The following PPP2CA variants were observed in gnomAD, a reference collection of about 807,000 sequenced individuals.
PPP2CA encodes the protein protein phosphatase 2 catalytic subunit alpha.
In PPP2CA, 5 loss-of-function variants were observed where a neutral mutation model predicts 38.8. The ratio of observed to expected loss-of-function variants is 0.13; its 90% CI spans 0.07 to 0.27. The LOEUF (loss-of-function observed/expected upper bound fraction) is 0.27. Ranked by LOEUF, PPP2CA falls within the 10% of genes least tolerant of loss-of-function variation. The pLI, the probability that PPP2CA is intolerant of heterozygous loss-of-function variation, is 1.00. For missense variants in PPP2CA, 88 were observed against 389.7 expected, an observed-to-expected ratio of 0.23 and a Z score of 6.52; for synonymous variants, 152 against 134.0, an observed-to-expected ratio of 1.13 and a Z score of -0.93.
intron 1 of PPP2CA, among the ~76,000 whole-genome samples, chr5:134,222,541 G>T (rs1762467819): frequency 6.8e-6 from 1 of 147,348 alleles, no homozygotes; most frequent in Non-Finnish European, 1.5e-5. Flanking sequence ...GAACTTCTTT[G>T]AAAAAAAAAA....
intron 2 of PPP2CA, 41 bp from the exon 3 acceptor site, chr5:134,202,062 C>CA (rs1580637815): frequency 6.6e-7 from 1 of 1,521,348 alleles, no homozygotes; most frequent in Non-Finnish European, 8.8e-7. Context: ...CTAGCTCTTT[C>CA]AAAAACCAAT....
chr5:134,218,669 C>T (rs140596243), intron 1 of PPP2CA, among the ~76,000 whole-genome samples: 2 of 144,494 alleles, frequency 1.4e-5, no homozygotes, highest in Non-Finnish European at 1.5e-5. Flanking sequence ...TTGTTTCTTT[C>T]TTTTTTTTTT....
At chr5:134,199,617 C>T (rs896824154) in intron 5 of PPP2CA, among the ~76,000 whole-genome samples, 2 of 152,102 alleles carry the variant, frequency 1.3e-5, no homozygotes, top group Non-Finnish European at 2.9e-5. Context: ...ATACTTAATC[C>T]TGGAGACCAG....
Position 134,216,557 on chromosome 5 carries a change from A to AAG in PPP2CA, c.102+9202_102+9203insCT, listed in dbSNP as rs57520870. On this transcript the variant is annotated intron_variant, in intron 1 of 6. Transcript: ENST00000481195. ...TGCCTCAAAAAAAAAAAAAAAAAAA[A>AAG]GTGGTTTCCTTCAAAAGAAGGTAGT... Among the ~76,000 whole-genome samples the AAG allele has an allele frequency of 8.1e-5, 9 of 111,132 alleles. 1 individual carries two copies. In the East Asian group the frequency reaches 1.2e-3, roughly 15 times the overall value. The allele number at this position is 111,132 out of a possible 152,430, so 72.9% of individuals were successfully genotyped here. A position where few individuals can be genotyped will look rare whatever the true frequency, so the allele number is the denominator to read the frequency against.
Position 134,225,817 on chromosome 5 carries a change from C to G in PPP2CA, c.45G>C (p.Glu15Asp). 1 of 1,610,968 alleles carries G rather than the reference C, an allele frequency of 6.2e-7. No individual in the cohort carries two copies. Among genetic ancestry groups the G allele is most frequent in the Non-Finnish European group, 8.5e-7 (1 of 1,179,228 alleles). The change falls in exon 1 of 7, where the codon GAG (glutamate) becomes GAC (aspartate). Residue 15 changes from glutamate to aspartate, a missense_variant. Coordinates refer to ENST00000481195, the MANE Select transcript of PPP2CA (RefSeq NM_002715.4). ...ACAGCTGCTTGCACTCGTTCAGCTG[C>G]TCGATCCACTGGTCCAGCTCCTTGG... is the stretch of plus-strand genomic sequence containing the variant. ...VFTKELDQWI[E>D]QLNECKQLSE...
chr5:134,220,118 G>C (rs1430774080), intron 1 of PPP2CA, among the ~76,000 whole-genome samples: 2 of 150,972 alleles, frequency 1.3e-5, no homozygotes, highest in Non-Finnish European at 2.9e-5. Context: ...CCCTTCTTCA[G>C]CCTGGTCTAC....
chr5:134,218,966 G>A (rs915095432), intron 1 of PPP2CA, among the ~76,000 whole-genome samples: 2 of 152,240 alleles, frequency 1.3e-5, no homozygotes, highest in African/African-American at 2.4e-5. Flanking sequence ...ACTGTGCCCC[G>A]CCAGCCTAGA....
At chr5:134,200,570 A>G (rs1258620197) in intron 4 of PPP2CA, 74 bp from the exon 5 acceptor site, 2 of 1,520,042 alleles carry the variant, frequency 1.3e-6, no homozygotes, top group Non-Finnish European at 1.8e-6. Context: ...ATTCATCAGA[A>G]GCAGCACCCT....
intron 1 of PPP2CA, among the ~76,000 whole-genome samples, chr5:134,206,991 A>C (rs893963892): frequency 1.3e-5 from 2 of 152,252 alleles, no homozygotes; most frequent in Non-Finnish European, 2.9e-5. Context: ...GGGAGAGACC[A>C]CTTTACATAA....
At chr5:134,214,204 CTTA>C (rs759125905) in intron 1 of PPP2CA, among the ~76,000 whole-genome samples, 53 of 152,170 alleles carry the variant, frequency 3.5e-4, no homozygotes, top group Non-Finnish European at 6.8e-4. Flanking sequence ...ATATAACTAT[CTTA>C]TTCTTACCAA....
rs772165629 is a variant in PPP2CA at position 134,197,356 on chromosome 5, A to T, written c.*416T>A. ...AAGGGAGGCCTTGGTAATTATTTTTAAAAATGTTCATTAAGCTCCAATGAT... is the reference window on the plus strand; with the variant it reads ...AAGGGAGGCCTTGGTAATTATTTTTTAAAATGTTCATTAAGCTCCAATGAT... On this transcript the variant is annotated 3_prime_UTR_variant, in exon 7 of 7. Transcript: ENST00000481195. The T allele has an allele frequency of 6.4e-6, 1 of 157,076 alleles. No homozygotes were observed. The highest frequency in any genetic ancestry group is 1.4e-5 in the Non-Finnish European group (1 of 70,992). The allele number at this position is 157,076 out of a possible 1,614,324, so 9.7% of individuals were successfully genotyped here. A position where few individuals can be genotyped will look rare whatever the true frequency, so the allele number is the denominator to read the frequency against.
intron 3 of PPP2CA, 85 bp downstream of exon 3, chr5:134,201,763 A>G: frequency 7.2e-7 from 1 of 1,388,044 alleles, no homozygotes; most frequent in Non-Finnish European, 9.8e-7. Flanking sequence ...AAGGGGTGTT[A>G]AGAGTGGAAA....
intron 6 of PPP2CA, among the ~76,000 whole-genome samples, chr5:134,198,815 GC>G (rs1332284835): frequency 6.6e-6 from 1 of 152,144 alleles, no homozygotes; most frequent in African/African-American, 2.4e-5. Context: ...ATCCACCCGA[GC>G]CTTCCAAAGT....
At chr5:134,213,438 C>A (rs923941067) in intron 1 of PPP2CA, among the ~76,000 whole-genome samples, 8 of 151,162 alleles carry the variant, frequency 5.3e-5, no homozygotes, top group Middle Eastern at 3.4e-3. Flanking sequence ...AGATTCCTTT[C>A]AAAATATTAC....
intron 1 of PPP2CA, among the ~76,000 whole-genome samples, chr5:134,217,596 T>C (rs1038016010): frequency 6.6e-6 from 1 of 152,220 alleles, no homozygotes; most frequent in African/African-American, 2.4e-5. Flanking sequence ...TGGTTTGATA[T>C]GTCATTTTGA....
At chr5:134,212,318 T>C (rs1762220865) in intron 1 of PPP2CA, among the ~76,000 whole-genome samples, 1 of 152,242 alleles carries the variant, frequency 6.6e-6, no homozygotes. Context: ...TTGGTACTTC[T>C]AAAATTATTT....
In PPP2CA at chr5:134,202,041, A is replaced by C; in HGVS notation, c.313-20T>G. ...ACGAACCTAAAACAATAAAATGCAA[A>C]ACATAAACAACTAGCTCTTTCAAAA... On this transcript the variant is annotated intron_variant, in intron 2 of 6. Coordinates refer to ENST00000481195, the MANE Select transcript of PPP2CA (RefSeq NM_002715.4). The C allele has an allele frequency of 6.4e-7, 1 of 1,555,468 alleles. No homozygotes were observed. The highest frequency in any genetic ancestry group is 2.3e-5 in the East Asian group (1 of 42,788).
chr5:134,201,770 G>C, intron 3 of PPP2CA, 78 bp downstream of exon 3: 6 of 1,448,814 alleles, frequency 4.1e-6, no homozygotes, highest in Non-Finnish European at 5.6e-6. Context: ...GTTAAGAGTG[G>C]AAAGAGTCAT....
intron 1 of PPP2CA, among the ~76,000 whole-genome samples, chr5:134,212,365 T>TA (rs1762221288): frequency 6.6e-6 from 1 of 152,232 alleles, no homozygotes; most frequent in African/African-American, 2.4e-5. Flanking sequence ...GTTATGGTGA[T>TA]ATGTGATCAG....
Sources: gnomAD v4.1 joint callset for allele counts (sites outside exome capture counted in the v4.1 genomes callset) on GRCh38, gnomAD v4.1.1 for gene constraint, MANE v1.5 for transcripts, NCBI Gene and HGNC (gene_info 2026-07-23, HGNC 2026-07-21) for gene names.